Variants in UNC13C observed in about 807,000 individuals in gnomAD.
UNC13C encodes protein unc-13 homolog C.
UNC13C carries 174 observed loss-of-function variants against 245.4 expected under a neutral mutation model. The ratio of observed to expected loss-of-function variants is 0.71; its 90% CI spans 0.63 to 0.80. The LOEUF is 0.80. Ranked by LOEUF, UNC13C falls within the 30% of genes least tolerant of loss-of-function variation. UNC13C has a pLI of 0.00. For missense variants in UNC13C, 2,829 were observed against 2,602.9 expected (o/e 1.09, Z -1.89); for synonymous variants, 992 against 895.1 (o/e 1.11, Z -1.93).
the UNC13C span, among the ~76,000 whole-genome samples, chr15:53,855,816 A>G: frequency 6.6e-6 from 1 of 152,200 alleles, no homozygotes; most frequent in African/African-American, 2.4e-5. Context: ...AGAATGAGTT[A>G]GAGAGGAGTC....
At chr15:54,513,327 C>T (rs2141119485) in intron 24 of UNC13C, among the ~76,000 whole-genome samples, 1 of 152,244 alleles carries the variant, frequency 6.6e-6, no homozygotes, top group Admixed American at 6.5e-5. Context: ...TTTAAAATGT[C>T]ATATTTCCAT....
chr15:54,236,980 T>C (rs1392144653), intron 6 of UNC13C, among the ~76,000 whole-genome samples: 1 of 152,088 alleles, frequency 6.6e-6, no homozygotes, highest in Non-Finnish European at 1.5e-5. Flanking sequence ...ATATTTTGGG[T>C]AGGAGTAGAT....
intron 17 of UNC13C, among the ~76,000 whole-genome samples, chr15:54,355,371 T>C (rs995551491): frequency 6.6e-6 from 1 of 152,192 alleles, no homozygotes; most frequent in Non-Finnish European, 1.5e-5. Flanking sequence ...TTTGCTTTTT[T>C]TTTGATACAG....
intron 1 of UNC13C, among the ~76,000 whole-genome samples, chr15:53,998,190 A>T (rs1894721558): frequency 6.6e-6 from 1 of 152,206 alleles, no homozygotes; most frequent in African/African-American, 2.4e-5. Flanking sequence ...CCAAATTCTC[A>T]AAACCAAATA....
intron 8 of UNC13C, among the ~76,000 whole-genome samples, chr15:54,251,845 C>T (rs927895813): frequency 2.0e-5 from 3 of 152,122 alleles, no homozygotes; most frequent in Admixed American, 1.3e-4. Context: ...TTGTTGTAGT[C>T]ACGATCACAT....
At chr15:54,109,668 G>T (rs188129535) in intron 2 of UNC13C, among the ~76,000 whole-genome samples, 29 of 152,052 alleles carry the variant, frequency 1.9e-4, no homozygotes, top group Admixed American at 1.9e-3. Flanking sequence ...TAATACAATT[G>T]CTATTTTACT....
At chr15:54,227,456 A>T (rs967276780) in intron 4 of UNC13C, among the ~76,000 whole-genome samples, 3 of 152,182 alleles carry the variant, frequency 2.0e-5, no homozygotes, top group Non-Finnish European at 4.4e-5. Context: ...TGCTTGTGCC[A>T]AGGGGCACCT....
chr15:54,581,089 T>C (rs761524359), intron 30 of UNC13C, among the ~76,000 whole-genome samples: 36 of 152,312 alleles, frequency 2.4e-4, no homozygotes, highest in Admixed American at 3.3e-4. Context: ...TAGTTTATGC[T>C]AGATGCCAGA....
At chr15:54,034,377 C>T (rs771218535) in intron 2 of UNC13C, among the ~76,000 whole-genome samples, 10 of 151,834 alleles carry the variant, frequency 6.6e-5, no homozygotes, top group Non-Finnish European at 1.0e-4. Context: ...TCTCTGGGGC[C>T]TTACCATCTC....
intron 10 of UNC13C, among the ~76,000 whole-genome samples, chr15:54,280,731 T>C (rs61379577): frequency 1.4e-3 from 98 of 71,552 alleles, no homozygotes; most frequent in Middle Eastern, 6.3e-3. Context: ...TAAACATATG[T>C]ATACATACAT....
chr15:54,231,957 TA>T (rs1222295478), intron 4 of UNC13C, among the ~76,000 whole-genome samples: 1 of 152,106 alleles, frequency 6.6e-6, no homozygotes, highest in Non-Finnish European at 1.5e-5. Flanking sequence ...TTGTGTTACT[TA>T]ATCTCTCCAA....
At chr15:54,418,673 G>A (rs2040571681) in intron 19 of UNC13C, among the ~76,000 whole-genome samples, 1 of 151,990 alleles carries the variant, frequency 6.6e-6, no homozygotes. Flanking sequence ...TTGGGGGCTT[G>A]GTAAATATAT....
the UNC13C span, among the ~76,000 whole-genome samples, chr15:53,959,849 T>C: frequency 2.6e-5 from 4 of 152,210 alleles, no homozygotes; most frequent in Non-Finnish European, 4.4e-5. Context: ...TGGACTTCAT[T>C]ACAGTATCTG....
intron 14 of UNC13C, among the ~76,000 whole-genome samples, chr15:54,328,902 T>A (rs2038366702): frequency 6.6e-6 from 1 of 152,068 alleles, no homozygotes; most frequent in Non-Finnish European, 1.5e-5. Context: ...TAAATCAAGT[T>A]TCACTGGAAA....
At chr15:53,953,736 G>C in the UNC13C span, among the ~76,000 whole-genome samples, 1 of 152,254 alleles carries the variant, frequency 6.6e-6, no homozygotes. Context: ...CATAGAATCA[G>C]AAGGGATGAT....
chr15:54,545,667 CAAAAG>C (rs1173320983), intron 26 of UNC13C, among the ~76,000 whole-genome samples: 1 of 152,084 alleles, frequency 6.6e-6, no homozygotes, highest in Non-Finnish European at 1.5e-5. Context: ...AGACACTTCT[CAAAAG>C]AAGACATTTA....
At chr15:54,269,009 A>G (rs1250886153) in intron 10 of UNC13C, among the ~76,000 whole-genome samples, 1 of 149,584 alleles carries the variant, frequency 6.7e-6, no homozygotes, top group African/African-American at 2.5e-5. Flanking sequence ...CAACTCAAAG[A>G]GTCTAATGGA....
the UNC13C span, among the ~76,000 whole-genome samples, chr15:53,965,229 A>G: frequency 7.2e-5 from 11 of 152,144 alleles, no homozygotes; most frequent in Non-Finnish European, 1.5e-4. Flanking sequence ...GTGCCTATCA[A>G]CTGGTTTCAG....
At chr15:53,987,645 G>A (rs181877206) in intron 1 of UNC13C, among the ~76,000 whole-genome samples, 469 of 152,090 alleles carry the variant, frequency 3.1e-3, no homozygotes, top group South Asian at 0.018. Context: ...TGAGGACTCA[G>A]CAATTGGCTC....
Sources: gnomAD v4.1 joint callset for allele counts (sites outside exome capture counted in the v4.1 genomes callset) on GRCh38, gnomAD v4.1.1 for gene constraint, MANE v1.5 for transcripts, NCBI Gene and HGNC (gene_info 2026-07-23, HGNC 2026-07-21) for gene names.